The following STK31 variants were observed in gnomAD, a reference collection of about 807,000 sequenced individuals.
STK31 encodes serine/threonine kinase 31, also known as serine/threonine-protein kinase 31.
In STK31, 89 loss-of-function variants were observed where a neutral mutation model predicts 129.7. That is an observed-to-expected ratio of 0.69 (90% CI 0.58 to 0.82). The LOEUF is 0.82. Among genes scored for constraint, STK31 ranks in the 40% least tolerant of loss-of-function variants. STK31 has a pLI of 0.00. For missense variants in STK31, 1,187 were observed against 1,176.4 expected (o/e 1.01, Z -0.13); for synonymous variants, 448 against 395.3 (o/e 1.13, Z -1.58).
intron 6 of STK31, among the ~76,000 whole-genome samples, chr7:23,729,497 GA>G (rs1787270780): frequency 6.7e-6 from 1 of 149,686 alleles, no homozygotes; most frequent in Non-Finnish European, 1.5e-5. Context: ...TGTTTAAAAG[GA>G]TAGTCTCTTT....
intron 23 of STK31, among the ~76,000 whole-genome samples, chr7:23,826,029 A>G (rs375520560): frequency 1.1e-4 from 16 of 152,244 alleles, no homozygotes; most frequent in Non-Finnish European, 1.5e-4. Flanking sequence ...TATGTGGTCA[A>G]TTTTGGAATA....
intron 22 of STK31, among the ~76,000 whole-genome samples, chr7:23,802,537 G>A (rs1236226581): frequency 3.3e-5 from 5 of 152,066 alleles, no homozygotes; most frequent in South Asian, 2.1e-4. Flanking sequence ...TCTTTAAGAC[G>A]CAGTCTCACT....
chr7:23,831,356 A>G (rs73086991), intron 23 of STK31, among the ~76,000 whole-genome samples: 3,928 of 152,218 alleles, frequency 0.026, 99 homozygotes, highest in African/African-American at 0.065. Flanking sequence ...ATTATTATAT[A>G]ATGACCTTCT....
chr7:23,771,879 AC>A (rs2128104157), intron 14 of STK31: 1 of 205,278 alleles, frequency 4.9e-6, no homozygotes, highest in Non-Finnish European at 9.7e-6. Flanking sequence ...ATCCATACTA[AC>A]AATGTGTGTT....
At chr7:23,745,809 C>A (rs1788317216) in intron 8 of STK31, among the ~76,000 whole-genome samples, 1 of 152,130 alleles carries the variant, frequency 6.6e-6, no homozygotes, top group Non-Finnish European at 1.5e-5. Context: ...AGCCTTTCCT[C>A]TGGGTCCGTG....
Position 23,803,603 on chromosome 7 carries a change from G to A in STK31, c.2761-11541G>A, listed in dbSNP as rs182224813. On this transcript the variant is annotated intron_variant, in intron 22 of 23. Coordinates refer to ENST00000355870, the MANE Select transcript of STK31 (RefSeq NM_031414.5). ...ATCTTTTTTTAAACGTTTAAATTAG[G>A]TTTGGGGGTACATATGCAGGTTTGT... Among the ~76,000 whole-genome samples, 511 of 152,180 alleles carry A rather than the reference G, an allele frequency of 3.4e-3. 2 individuals carry two copies. Among genetic ancestry groups the A allele is most frequent in the Non-Finnish European group, 5.0e-3 (340 of 67,998 alleles).
intron 23 of STK31, among the ~76,000 whole-genome samples, chr7:23,825,252 G>C (rs1353625939): frequency 6.6e-6 from 1 of 152,062 alleles, no homozygotes; most frequent in African/African-American, 2.4e-5. Context: ...TTGGTAAGCT[G>C]TTAATTATTG....
rs146291578 is a variant in STK31 at position 23,821,270 on chromosome 7, A to G, written c.2829+6058A>G. ...TAATTTACATTTCCACTAACAATGTATAACAGTTTCCTGTTCTCCACATCT... is the reference window on the plus strand; with the variant it reads ...TAATTTACATTTCCACTAACAATGTGTAACAGTTTCCTGTTCTCCACATCT... On this transcript the variant is annotated intron_variant, in intron 23 of 23. Coordinates refer to ENST00000355870, the MANE Select transcript of STK31 (RefSeq NM_031414.5). Among the ~76,000 whole-genome samples the G allele has an allele frequency of 6.1e-3, 924 of 152,310 alleles. 3 individuals are homozygous for G. Among genetic ancestry groups the G allele is most frequent in the Non-Finnish European group, 0.01 (685 of 67,996 alleles).
intron 21 of STK31, among the ~76,000 whole-genome samples, chr7:23,789,825 T>A (rs1791510129): frequency 6.6e-6 from 1 of 152,160 alleles, no homozygotes. Context: ...CTGTTATTAT[T>A]CCCCAAAACA....
chr7:23,825,663 C>T (rs1277146504), intron 23 of STK31, among the ~76,000 whole-genome samples: 2 of 152,128 alleles, frequency 1.3e-5, no homozygotes, highest in African/African-American at 4.8e-5. Flanking sequence ...TTTGCTCTTG[C>T]TCCTCTAGTT....
chr7:23,792,375 A>C (rs940714399), intron 22 of STK31, among the ~76,000 whole-genome samples: 3 of 152,210 alleles, frequency 2.0e-5, no homozygotes, highest in African/African-American at 7.2e-5. Flanking sequence ...AAAGTATTAA[A>C]ATATGGAATT....
intron 22 of STK31, among the ~76,000 whole-genome samples, chr7:23,795,402 A>G (rs561474325): frequency 3.3e-5 from 5 of 152,228 alleles, no homozygotes; most frequent in African/African-American, 4.8e-5. Flanking sequence ...GGATGTATGG[A>G]AATGCCTGGA....
intron 15 of STK31, among the ~76,000 whole-genome samples, chr7:23,779,686 C>G (rs947750980): frequency 6.6e-6 from 1 of 152,288 alleles, no homozygotes; most frequent in African/African-American, 2.4e-5. Flanking sequence ...GGCCCCTCCC[C>G]CAACCAAGCT....
intron 22 of STK31, among the ~76,000 whole-genome samples, chr7:23,814,162 T>TTTTTTTTTTTTC: frequency 2.0e-5 from 3 of 148,546 alleles, no homozygotes; most frequent in Admixed American, 6.8e-5. Flanking sequence ...TTTTTTTTTT[T>TTTTTTTTTTTTC]TTCAGTTGGG....
chr7:23,749,534 G>GGGC, intron 8 of STK31, among the ~76,000 whole-genome samples: 2 of 148,616 alleles, frequency 1.3e-5, no homozygotes, highest in Non-Finnish European at 3.0e-5. Flanking sequence ...TTTTTTTTGG[G>GGGC]GGTAGAGACC....
intron 9 of STK31, among the ~76,000 whole-genome samples, chr7:23,753,511 G>A (rs1464388850): frequency 1.3e-5 from 2 of 152,162 alleles, no homozygotes; most frequent in Admixed American, 1.3e-4. Flanking sequence ...GAGTGAATGA[G>A]TATATACAGA....
chr7:23,787,134 C>T (rs555446658), intron 20 of STK31, among the ~76,000 whole-genome samples: 1 of 152,200 alleles, frequency 6.6e-6, no homozygotes, highest in East Asian at 1.9e-4. Context: ...GCACAGGGTC[C>T]GTTAGCCAGA....
chr7:23,713,459 A>C (rs1584310669), intron 3 of STK31, among the ~76,000 whole-genome samples: 1 of 152,140 alleles, frequency 6.6e-6, no homozygotes, highest in Non-Finnish European at 1.5e-5. Flanking sequence ...CTTAGGCTAC[A>C]CTAAATTTAT....
chr7:23,825,744 A>G (rs1207268225), intron 23 of STK31, among the ~76,000 whole-genome samples: 2 of 152,130 alleles, frequency 1.3e-5, no homozygotes, highest in African/African-American at 2.4e-5. Context: ...TTAGTGCTAT[A>G]CATTTCCCTC....
Sources: gnomAD v4.1 joint callset for allele counts (sites outside exome capture counted in the v4.1 genomes callset) on GRCh38, gnomAD v4.1.1 for gene constraint, MANE v1.5 for transcripts, NCBI Gene and HGNC (gene_info 2026-07-23, HGNC 2026-07-21) for gene names.